Variants in RARRES1 observed in about 807,000 individuals in gnomAD.
The protein encoded by RARRES1 is retinoic acid receptor responder protein 1.
Under a neutral mutation model 30.6 loss-of-function variants are expected in RARRES1, and 34 were observed. The ratio of observed to expected loss-of-function variants is 1.11; its 90% confidence interval spans 0.84 to 1.48. The LOEUF (loss-of-function observed/expected upper bound fraction) is 1.48. Among genes scored for constraint, RARRES1 ranks in the 40% most tolerant of loss-of-function variants. The pLI is 0.00. For missense variants in RARRES1, 373 were observed against 386.5 expected (o/e 0.97, Z 0.29); for synonymous variants, 153 against 155.5 (o/e 0.98, Z 0.12).
rs1237091342 is a variant in RARRES1, at chr3:158,710,747, T to G, written c.526A>C (p.Ser176Arg). The part of the protein sequence containing the change: ...KQLKNPLEIV[S>R]IPDNHGHIDP... The stretch of plus-strand genomic sequence containing the variant: ...AAATGCTGATTCATACCAGGTATGC[T>G]GACTATTTCCAAGGGGTTTTTCAGT... The change falls in exon 3 of 6, where the codon AGC becomes CGC. Residue 176 changes from serine to arginine, a missense_variant. Coordinates refer to ENST00000237696, the MANE Select transcript of RARRES1 (RefSeq NM_206963.2). The G allele has an allele frequency of 4.4e-6, 7 of 1,606,240 alleles. No individual in the cohort carries two copies. The highest frequency in any genetic ancestry group is 6.0e-6 in the Non-Finnish European group (7 of 1,173,652).
At chr3:158,698,206 G>A (rs1726611887) in intron 4 of RARRES1, 2 of 495,564 alleles carry the variant, frequency 4.0e-6, no homozygotes, top group South Asian at 4.8e-5. Context: ...TTCTGATGGA[G>A]ACCAAAGTCT....
intron 3 of RARRES1, among the ~76,000 whole-genome samples, chr3:158,709,401 C>G (rs959070467): frequency 6.6e-6 from 1 of 152,130 alleles, no homozygotes; most frequent in African/African-American, 2.4e-5. Context: ...TATCAGTCAT[C>G]AGGTCATTTA....
In RARRES1 at chr3:158,697,739, T is replaced by C. The variant is rs1726592114; in HGVS notation, c.824A>G (p.Glu275Gly). ...TCCTTCTTCAGTTCCGGAGGCTTCT[T>C]CTGGTGTCTGTAGCTCTTGACAGTG... ...KYHCQELQTP[E>G]EASGTEEGSA... Residue 275 changes from glutamate to glycine, a missense_variant, in exon 6 of 6, where the codon GAA (glutamate) becomes GGA (glycine). By Grantham distance (98) the Glu-to-Gly change is moderately conservative. Coordinates refer to ENST00000237696, the MANE Select transcript of RARRES1 (RefSeq NM_206963.2). The C allele has an allele frequency of 1.2e-6, 2 of 1,612,972 alleles. No individual in the cohort carries two copies. The highest frequency in any genetic ancestry group is 1.7e-6 in the Non-Finnish European group (2 of 1,178,902).
chr3:158,716,373 T>TA (rs1727322895), intron 1 of RARRES1, among the ~76,000 whole-genome samples: 2 of 152,298 alleles, frequency 1.3e-5, no homozygotes, highest in East Asian at 3.9e-4. Context: ...CGGGCATGGT[T>TA]ATATGCTATG....
In RARRES1 at chr3:158,704,210, CTTTTTTTTTTTT is replaced by C. The variant is rs78169321; in HGVS notation, c.672+569_672+580del. Among the ~76,000 whole-genome samples, 717 of 82,812 alleles carry C rather than the reference CTTTTTTTTTTTT, an allele frequency of 8.7e-3. 12 individuals carry two copies. The highest frequency in any genetic ancestry group is 0.012 in the Non-Finnish European group (521 of 43,376). The allele number at this position is 82,812 out of a possible 152,430, so 54.3% of individuals were successfully genotyped here. A position where few individuals can be genotyped will look rare whatever the true frequency, so the allele number is the denominator to read the frequency against. Reference sequence around the variant, plus strand: ...AGGCCTTGCCTAGAATATTGCAATACTTTTTTTTTTTTTTTTTTTTTTTTTTTTTTTTTTGAG... The same window carrying C: ...AGGCCTTGCCTAGAATATTGCAATACTTTTTTTTTTTTTTTTTTTTTTGAG... On this transcript the variant is annotated intron_variant, in intron 4 of 5. Coordinates refer to ENST00000237696, the MANE Select transcript of RARRES1 (RefSeq NM_206963.2).
chr3:158,710,259 G>T (rs1255202427), intron 3 of RARRES1, among the ~76,000 whole-genome samples: 4 of 149,300 alleles, frequency 2.7e-5, no homozygotes, highest in African/African-American at 7.4e-5. Flanking sequence ...CCAGGCTGGA[G>T]TGCAGTGGCA....
Position 158,704,860 on chromosome 3 carries a change from G to A in RARRES1, c.603C>T (p.Tyr201=), listed in dbSNP as rs139208217. The A allele has an allele frequency of 7.1e-4, 1,148 of 1,614,016 alleles. 11 individuals are homozygous for A. The African/African-American group carries it at 0.014, about 19-fold the overall frequency. Residue 201 remains tyrosine, a synonymous_variant, in exon 4 of 6, where the codon TAC becomes TAT. Coordinates refer to ENST00000237696, the MANE Select transcript of RARRES1 (RefSeq NM_206963.2). ...CCTGTGTTGTCATTTCCCACATCAC[G>A]TAAGAGCTTCCAAGGAAAGCCAAAT... ...IWDLAFLGSS[Y]VMWEMTTQVS... is the part of the protein sequence containing the mutation.
intron 1 of RARRES1, among the ~76,000 whole-genome samples, chr3:158,715,243 C>T (rs747361192): frequency 2.4e-4 from 36 of 152,228 alleles, no homozygotes; most frequent in Non-Finnish European, 4.1e-4. Context: ...ATGTCCAGCC[C>T]GGCCTTTCCA....
chr3:158,726,367 C>T (rs1727681450), intron 1 of RARRES1, among the ~76,000 whole-genome samples: 1 of 152,214 alleles, frequency 6.6e-6, no homozygotes. Flanking sequence ...TAAGTGCTCT[C>T]CTAACTGCCT....
chr3:158,724,218 A>C (rs918007879), intron 1 of RARRES1, among the ~76,000 whole-genome samples: 4 of 152,112 alleles, frequency 2.6e-5, no homozygotes, highest in Admixed American at 1.3e-4. Context: ...CAGAATGGTA[A>C]ATATTTGCAG....
chr3:158,714,246 T>C (rs1232823703), intron 1 of RARRES1, among the ~76,000 whole-genome samples: 1 of 152,196 alleles, frequency 6.6e-6, no homozygotes, highest in Non-Finnish European at 1.5e-5. Flanking sequence ...TGACGAGGAC[T>C]TGCCCTCCTG....
rs1198936047 is a variant in RARRES1, at chr3:158,696,977, TATCTGGTGAG to T, written c.*691_*700del. 2 of 152,250 alleles carry T rather than the reference TATCTGGTGAG, an allele frequency of 1.3e-5. No individual in the cohort carries two copies. The highest frequency in any genetic ancestry group is 2.4e-5 in the African/African-American group (1 of 41,466). The allele number at this position is 152,250 out of a possible 1,614,324, so 9.4% of individuals were successfully genotyped here. A position where few individuals can be genotyped will look rare whatever the true frequency, so the allele number is the denominator to read the frequency against. The stretch of plus-strand genomic sequence containing the variant: ...TTTGATGCATGTTTGCAGACAGCTT[TATCTGGTGAG>T]ACAGACGTTCTATTATTTGTAAAAT... On this transcript the variant is annotated 3_prime_UTR_variant, in exon 6 of 6. Coordinates refer to ENST00000237696, the MANE Select transcript of RARRES1 (RefSeq NM_206963.2).
chr3:158,705,150 C>A (rs1158587263), intron 3 of RARRES1, among the ~76,000 whole-genome samples: 6 of 152,124 alleles, frequency 3.9e-5, no homozygotes, highest in Admixed American at 6.6e-5. Flanking sequence ...AAATCAATGG[C>A]CATTTGCTGT....
At chr3:158,729,415 TGCATG>T (rs1388350437) in intron 1 of RARRES1, among the ~76,000 whole-genome samples, 13 of 151,974 alleles carry the variant, frequency 8.6e-5, no homozygotes, top group African/African-American at 2.7e-4. Flanking sequence ...GGTGACTAAG[TGCATG>T]ATAATGCAAG....
Position 158,716,989 on chromosome 3 carries a change from G to A in RARRES1, c.277-3130C>T, listed in dbSNP as rs1390428217. Among the ~76,000 whole-genome samples, 4 of 152,264 alleles carry A rather than the reference G, an allele frequency of 2.6e-5. No individual in the cohort carries two copies. In the East Asian group the frequency reaches 7.7e-4, roughly 29 times the overall value. ...ACACAGTGCTTTTATCTCTCACAAA[G>A]GCCTCTCCCTTCTCCCTTCCTCTGA... On this transcript the variant is annotated intron_variant, in intron 1 of 5. Coordinates refer to ENST00000237696, the MANE Select transcript of RARRES1 (RefSeq NM_206963.2).
chr3:158,714,383 C>G (rs1338219761), intron 1 of RARRES1, among the ~76,000 whole-genome samples: 2 of 152,146 alleles, frequency 1.3e-5, no homozygotes, highest in Non-Finnish European at 2.9e-5. Flanking sequence ...ACGAGGCGAT[C>G]TCAAAGATGA....
intron 1 of RARRES1, among the ~76,000 whole-genome samples, chr3:158,714,250 C>T (rs1255881654): frequency 6.6e-6 from 1 of 152,188 alleles, no homozygotes; most frequent in Non-Finnish European, 1.5e-5. Context: ...GAGGACTTGC[C>T]CTCCTGCCAC....
chr3:158,722,743 G>A (rs148786427), intron 1 of RARRES1, among the ~76,000 whole-genome samples: 1,876 of 152,072 alleles, frequency 0.012, 36 homozygotes, highest in African/African-American at 0.043. Context: ...TTAGCTGGGC[G>A]TGGTGGCGGG....
chr3:158,705,736 A>G (rs987288766), intron 3 of RARRES1: 2 of 152,196 alleles, frequency 1.3e-5, no homozygotes, highest in East Asian at 3.8e-4. Context: ...TGCTTCTCTA[A>G]TCATTGGCTT....
Sources: allele counts gnomAD v4.1 joint callset (sites outside exome capture counted in the v4.1 genomes callset), GRCh38; gene constraint gnomAD v4.1.1; transcripts MANE v1.5; gene names NCBI Gene and HGNC (gene_info 2026-07-23, HGNC 2026-07-21).